The following ASZ1 variants were observed in gnomAD, a reference collection of about 807,000 sequenced individuals.
The protein encoded by ASZ1 is ankyrin repeat, SAM and basic leucine zipper domain containing 1, also known as ankyrin repeat, SAM and basic leucine zipper domain-containing protein 1.
A neutral mutation model predicts 61.8 loss-of-function variants in ASZ1; 67 were observed. The ratio of observed to expected loss-of-function variants is 1.08; its 90% confidence interval spans 0.89 to 1.33. The LOEUF is 1.33. Ranked by LOEUF, ASZ1 falls within the 40% of genes most tolerant of loss-of-function variation. The pLI is 0.00. For missense variants in ASZ1, 577 were observed against 554.5 expected (o/e 1.04, Z -0.41); for synonymous variants, 193 against 192.7 (o/e 1.00, Z -0.01).
At chr7:117,402,890 G>A (rs1200772308) in intron 4 of ASZ1, among the ~76,000 whole-genome samples, 1 of 152,052 alleles carries the variant, frequency 6.6e-6, no homozygotes, top group East Asian at 1.9e-4. Flanking sequence ...CAAGCGAGAC[G>A]GCAAGGTGGG....
chr7:117,386,376 A>T (rs1331993475), intron 4 of ASZ1, among the ~76,000 whole-genome samples: 2 of 152,232 alleles, frequency 1.3e-5, no homozygotes, highest in Non-Finnish European at 2.9e-5. Flanking sequence ...CCAATAGATT[A>T]ACCAGCTTAA....
At position 117,427,438 on chromosome 7, in the gene ASZ1, C is replaced by T; in HGVS notation, c.23G>A (p.Gly8Asp). ...CTCGCCTCCGCCAGCCACTGGCAGG[C>T]CTCGCAGCGCGCTCGCCGCCATGCC... MAASALR[G>D]LPVAGGGESS... Residue 8 changes from glycine to aspartate, a missense_variant, in exon 1 of 13, where the codon GGC becomes GAC. Gly to Asp is a moderately conservative substitution (Grantham distance 94, BLOSUM62 -1). Transcript: ENST00000284629. 1 of 1,613,890 alleles carries T rather than the reference C, an allele frequency of 6.2e-7. No individual in the cohort carries two copies. Among genetic ancestry groups the T allele is most frequent in the Non-Finnish European group, 8.5e-7 (1 of 1,179,946 alleles).
intron 8 of ASZ1, among the ~76,000 whole-genome samples, chr7:117,381,310 A>G (rs1472553216): frequency 6.6e-6 from 1 of 152,110 alleles, no homozygotes; most frequent in Non-Finnish European, 1.5e-5. Context: ...ATTACCATTC[A>G]TATTTGCTTA....
At chr7:117,397,209 C>G (rs1468200135) in intron 4 of ASZ1, among the ~76,000 whole-genome samples, 1 of 151,706 alleles carries the variant, frequency 6.6e-6, no homozygotes, top group Non-Finnish European at 1.5e-5. Context: ...GACTCTGTCT[C>G]CGAACTGAAC....
chr7:117,389,280 T>C (rs534221006), intron 4 of ASZ1, among the ~76,000 whole-genome samples: 1 of 152,134 alleles, frequency 6.6e-6, no homozygotes, highest in African/African-American at 2.4e-5. Context: ...ACCACCCAAG[T>C]AGTGAATATA....
At chr7:117,387,803 G>T (rs565056975) in intron 4 of ASZ1, among the ~76,000 whole-genome samples, 1 of 152,144 alleles carries the variant, frequency 6.6e-6, no homozygotes, top group Non-Finnish European at 1.5e-5. Context: ...CCCTTTGCAG[G>T]AACTGTGCAA....
At position 117,363,571 on chromosome 7, in the gene ASZ1, A is replaced by G. The variant is rs769348355; in HGVS notation, c.*25T>C. The G allele has an allele frequency of 3.8e-6, 6 of 1,561,564 alleles. No individual in the cohort carries two copies. The highest frequency in any genetic ancestry group is 5.2e-6 in the Non-Finnish European group (6 of 1,149,892). Reference sequence around the variant, plus strand: ...TTGGATGGTTCAATAAGATGTGTATATATAACTTAAAACAAATATTTGGAT... The same window carrying G: ...TTGGATGGTTCAATAAGATGTGTATGTATAACTTAAAACAAATATTTGGAT... On this transcript the variant is annotated 3_prime_UTR_variant, in exon 13 of 13. Transcript: ENST00000284629.
intron 10 of ASZ1, among the ~76,000 whole-genome samples, chr7:117,379,160 TATATATATAC>T (rs1336295858): frequency 2.3e-4 from 13 of 56,436 alleles, no homozygotes; most frequent in Middle Eastern, 0.017. Flanking sequence ...TATATATATA[TATATATATAC>T]ACACACACAC....
At chr7:117,425,259 C>CT (rs71148368) in intron 2 of ASZ1, among the ~76,000 whole-genome samples, 46,345 of 92,486 alleles carry the variant, frequency 0.5, 14,756 homozygotes, top group Middle Eastern at 0.6. Context: ...TGAGTAATTT[C>CT]TTTTTTTTTT....
At chr7:117,414,977 T>C (rs207468449) in intron 4 of ASZ1, among the ~76,000 whole-genome samples, 1 of 152,224 alleles carries the variant, frequency 6.6e-6, no homozygotes, top group African/African-American at 2.4e-5. Flanking sequence ...GAATAATTTA[T>C]AATCCTTTGA....
chr7:117,405,090 T>G (rs1302445729), intron 4 of ASZ1, among the ~76,000 whole-genome samples: 3 of 152,086 alleles, frequency 2.0e-5, no homozygotes, highest in Admixed American at 6.6e-5. Context: ...TGGTGGCCAA[T>G]GTACATGCAG....
At chr7:117,376,336 C>T (rs1007986565) in intron 10 of ASZ1, among the ~76,000 whole-genome samples, 1 of 152,058 alleles carries the variant, frequency 6.6e-6, no homozygotes, top group Non-Finnish European at 1.5e-5. Flanking sequence ...ATATCCAGGT[C>T]CAGATGGTTT....
At chr7:117,415,026 T>C (rs1796963658) in intron 4 of ASZ1, among the ~76,000 whole-genome samples, 1 of 152,180 alleles carries the variant, frequency 6.6e-6, no homozygotes, top group African/African-American at 2.4e-5. Flanking sequence ...TCAAATGGTA[T>C]TTCTAGTTCT....
intron 8 of ASZ1, 56 bp downstream of exon 8, chr7:117,382,013 T>G: frequency 8.8e-7 from 1 of 1,140,122 alleles, no homozygotes; most frequent in Non-Finnish European, 1.3e-6. Flanking sequence ...TAACATTATA[T>G]TAACCAACAA....
At chr7:117,381,252 A>T (rs1205347802) in intron 8 of ASZ1, among the ~76,000 whole-genome samples, 185 bp from the exon 9 acceptor site, 2 of 152,058 alleles carry the variant, frequency 1.3e-5, no homozygotes, top group Non-Finnish European at 2.9e-5. Context: ...CATAATAATT[A>T]TATTCACCTA....
Position 117,417,461 on chromosome 7 carries a change from A to G in ASZ1, c.440+2702T>C, listed in dbSNP as rs373770451. 2.0e-5 allele frequency among the ~76,000 whole-genome samples: 3 copies of G among 152,196 alleles called. No homozygotes were observed. In the East Asian group the frequency reaches 5.8e-4, roughly 29 times the overall value. ...GCTGGTATCTTTTGGCACTTTTTAC[A>G]GGAATCTAAAGCTCCCAATCTTCTA... On this transcript the variant is annotated intron_variant, in intron 4 of 12. Coordinates refer to ENST00000284629, the MANE Select transcript of ASZ1 (RefSeq NM_130768.3).
At position 117,384,761 on chromosome 7, in the gene ASZ1, G is replaced by C; in HGVS notation, c.652C>G (p.Pro218Ala). The C allele has an allele frequency of 1.2e-6, 2 of 1,612,140 alleles. No individual in the cohort carries two copies. The highest frequency in any genetic ancestry group is 1.3e-5 in the African/African-American group (1 of 74,854). The change falls in exon 6 of 13, where the codon CCA becomes GCA. Residue 218 changes from proline to alanine, a missense_variant. By Grantham distance (27) the Pro-to-Ala change is conservative. Transcript: ENST00000284629. ...TTGTTTCTTTTTGCAATCTCACTTGGCATCTTTCCATCTTTGGTTTGTAGC... is the reference window on the plus strand; with the variant it reads ...TTGTTTCTTTTTGCAATCTCACTTGCCATCTTTCCATCTTTGGTTTGTAGC... ...KMLQTKDGKM[P>A]SEIAKRNKHH... is the part of the protein sequence containing the mutation.
chr7:117,394,127 C>T (rs1796532170), intron 4 of ASZ1, among the ~76,000 whole-genome samples: 1 of 151,930 alleles, frequency 6.6e-6, no homozygotes, highest in African/African-American at 2.4e-5. Flanking sequence ...TTTTAGGAGA[C>T]AGGGTCTTGC....
rs752233655 is a variant in ASZ1, at chr7:117,426,940, A to C, written c.106-5T>G. On this transcript the variant is annotated splice_polypyrimidine_tract_variant and splice_region_variant and intron_variant, in intron 1 of 12. Coordinates refer to ENST00000284629, the MANE Select transcript of ASZ1 (RefSeq NM_130768.3). ...GGGTAATAGCCTTTTCAATTTCTAG[A>C]AAAGTAAACATTTTAAAAAATTCTT... The C allele has an allele frequency of 3.2e-6, 5 of 1,581,496 alleles. No homozygotes were observed. In the African/African-American group the frequency reaches 5.5e-5, roughly 17 times the overall value.
Sources: allele counts gnomAD v4.1 joint callset (sites outside exome capture counted in the v4.1 genomes callset), GRCh38; gene constraint gnomAD v4.1.1; transcripts MANE v1.5; gene names NCBI Gene and HGNC (gene_info 2026-07-23, HGNC 2026-07-21).